Variants in CLEC9A observed in about 807,000 individuals in gnomAD.
CLEC9A encodes C-type lectin domain containing 9A.
In CLEC9A, 24 loss-of-function variants were observed where a neutral mutation model predicts 30.0. That is an observed-to-expected ratio of 0.80 (90% confidence interval 0.58 to 1.13). The LOEUF (loss-of-function observed/expected upper bound fraction) is 1.13, where lower values mean the gene tolerates loss of function less well. CLEC9A is among the 50% of genes most tolerant of loss of function. CLEC9A has a pLI of 0.00. For missense variants in CLEC9A, 251 were observed against 280.9 expected, an observed-to-expected ratio of 0.89 and a Z score of 0.76; for synonymous variants, 111 against 96.8, an observed-to-expected ratio of 1.15 and a Z score of -0.86.
At chr12:10,057,625 A>C (rs192101924) in intron 5 of CLEC9A, among the ~76,000 whole-genome samples, 91 of 152,002 alleles carry the variant, frequency 6.0e-4, no homozygotes, top group African/African-American at 2.2e-3. Flanking sequence ...AAAGAAGCAG[A>C]TTTCTAAAAA....
At chr12:10,059,303 A>G (rs940774256) in intron 5 of CLEC9A, among the ~76,000 whole-genome samples, 2 of 152,214 alleles carry the variant, frequency 1.3e-5, no homozygotes, top group Non-Finnish European at 2.9e-5. Flanking sequence ...CAATTGAAAG[A>G]AGGAGGATAG....
intron 2 of CLEC9A, chr12:10,045,573 CATT>C (rs763785600): frequency 3.5e-6 from 1 of 283,162 alleles, no homozygotes; most frequent in East Asian, 9.1e-5. Flanking sequence ...TGAGAACAAA[CATT>C]ATTTAATGTG....
intron 2 of CLEC9A, among the ~76,000 whole-genome samples, chr12:10,046,327 A>G (rs1349662081): frequency 6.6e-6 from 1 of 152,172 alleles, no homozygotes; most frequent in Non-Finnish European, 1.5e-5. Flanking sequence ...ACATTACACA[A>G]ATACAATTAC....
chr12:10,044,583 A>G (rs1194702446), intron 2 of CLEC9A, among the ~76,000 whole-genome samples: 1 of 152,034 alleles, frequency 6.6e-6, no homozygotes, highest in Non-Finnish European at 1.5e-5. Context: ...TGCCTCCACA[A>G]CTCCATGACT....
At chr12:10,061,981 G>A (rs757704148) in intron 6 of CLEC9A, among the ~76,000 whole-genome samples, 1 of 152,122 alleles carries the variant, frequency 6.6e-6, no homozygotes, top group African/African-American at 2.4e-5. Context: ...AAATTTAATC[G>A]AGTGTTTGAA....
intron 5 of CLEC9A, among the ~76,000 whole-genome samples, chr12:10,058,432 A>G (rs983711541): frequency 4.6e-5 from 7 of 152,330 alleles, no homozygotes; most frequent in Non-Finnish European, 1.0e-4. Flanking sequence ...CCACCGATGG[A>G]CAGGGCATAC....
At chr12:10,057,209 A>C (rs1226325906) in intron 5 of CLEC9A, among the ~76,000 whole-genome samples, 1 of 152,084 alleles carries the variant, frequency 6.6e-6, no homozygotes. Context: ...TTTGAGTTAC[A>C]AAAGTCATGT....
chr12:10,058,789 C>T (rs1427154462), intron 5 of CLEC9A, among the ~76,000 whole-genome samples: 1 of 152,176 alleles, frequency 6.6e-6, no homozygotes, highest in Non-Finnish European at 1.5e-5. Context: ...AAGTGAGCCA[C>T]CCCCCTCAGC....
At chr12:10,050,279 A>G (rs1865881538) in intron 2 of CLEC9A, among the ~76,000 whole-genome samples, 2 of 152,266 alleles carry the variant, frequency 1.3e-5, no homozygotes, top group African/African-American at 4.8e-5. Context: ...AAATATTATG[A>G]GAATTACCAA....
intron 2 of CLEC9A, among the ~76,000 whole-genome samples, chr12:10,044,188 T>C (rs1410693772): frequency 6.6e-6 from 1 of 152,200 alleles, no homozygotes; most frequent in African/African-American, 2.4e-5. Context: ...GCAAATAGGC[T>C]GTTAGCACCA....
chr12:10,052,618 C>A lies in CLEC9A; in HGVS notation c.-58-12C>A, dbSNP rs552654851. Reference sequence around the variant, plus strand: ...ATTTCAGTTCTTACACCAACCTGCTCCAAACCACAAGAGGAGTTACTTGTT... The same window carrying A: ...ATTTCAGTTCTTACACCAACCTGCTACAAACCACAAGAGGAGTTACTTGTT... On this transcript the variant is annotated splice_polypyrimidine_tract_variant and intron_variant, in intron 3 of 8. Transcript: ENST00000355819. 109 of 1,582,738 alleles carry A rather than the reference C, an allele frequency of 6.9e-5. 1 individual carries two copies. In the South Asian group the frequency reaches 1.1e-3, roughly 17 times the overall value.
intron 2 of CLEC9A, among the ~76,000 whole-genome samples, chr12:10,048,927 C>T (rs1865870473): frequency 6.6e-6 from 1 of 152,144 alleles, no homozygotes; most frequent in Non-Finnish European, 1.5e-5. Context: ...ATTTACTTTG[C>T]TCTGATATAT....
At position 10,044,040 on chromosome 12, in the gene CLEC9A, C is replaced by G. The variant is rs138181784; in HGVS notation, c.-163+2420C>G. 3.5e-3 allele frequency among the ~76,000 whole-genome samples: 537 copies of G among 152,298 alleles called. 8 individuals carry two copies. Among genetic ancestry groups the G allele is most frequent in the African/African-American group, 0.012 (507 of 41,562 alleles). On this transcript the variant is annotated intron_variant, in intron 2 of 8. Transcript: ENST00000355819. ...TTTTGTTACAGTTGAAAGTTGTAAACTTGAGAGTCTTTTGACTTTTCGGTG... is the reference window on the plus strand; with the variant it reads ...TTTTGTTACAGTTGAAAGTTGTAAAGTTGAGAGTCTTTTGACTTTTCGGTG...
chr12:10,043,176 AG>A, intron 2 of CLEC9A: 1 of 403,872 alleles, frequency 2.5e-6, no homozygotes, highest in Non-Finnish European at 4.9e-6. Context: ...ACAGCTGTGG[AG>A]GGATTCTGAC....
chr12:10,034,672 C>T (rs979871675), intron 1 of CLEC9A, among the ~76,000 whole-genome samples: 38 of 152,240 alleles, frequency 2.5e-4, no homozygotes, highest in African/African-American at 7.7e-4. Context: ...TTCTCTTGTC[C>T]CCCTAGCAGA....
chr12:10,058,825 G>A (rs1426821792), intron 5 of CLEC9A, among the ~76,000 whole-genome samples: 2 of 152,168 alleles, frequency 1.3e-5, no homozygotes, highest in South Asian at 2.1e-4. Context: ...GAGTACAGGC[G>A]AGAGCCACCA....
chr12:10,050,194 A>T (rs1427508057), intron 2 of CLEC9A, among the ~76,000 whole-genome samples: 3 of 152,226 alleles, frequency 2.0e-5, no homozygotes, highest in Non-Finnish European at 2.9e-5. Flanking sequence ...TATATAGTTC[A>T]TGGTGGGTCC....
At chr12:10,052,343 T>G (rs185748056) in intron 3 of CLEC9A, 42 of 238,112 alleles carry the variant, frequency 1.8e-4, no homozygotes, top group Non-Finnish European at 2.8e-4. Flanking sequence ...CAAATGCAAG[T>G]GCGTTCTTTG....
chr12:10,055,468 G>A (rs1865933587), intron 5 of CLEC9A, among the ~76,000 whole-genome samples: 1 of 152,024 alleles, frequency 6.6e-6, no homozygotes, highest in Non-Finnish European at 1.5e-5. Flanking sequence ...TATTTAACTT[G>A]CATTGCAAAT....
Sources: gnomAD v4.1 joint callset for allele counts (sites outside exome capture counted in the v4.1 genomes callset) on GRCh38, gnomAD v4.1.1 for gene constraint, MANE v1.5 for transcripts, NCBI Gene and HGNC (gene_info 2026-07-23, HGNC 2026-07-21) for gene names.